Variants in SDK1 observed in about 807,000 individuals in gnomAD.
SDK1 encodes the protein sidekick cell adhesion molecule 1.
A neutral mutation model predicts 245.5 loss-of-function variants in SDK1; 157 were observed. The ratio of observed to expected loss-of-function variants is 0.64; its 90% CI spans 0.56 to 0.73. The LOEUF (loss-of-function observed/expected upper bound fraction) is 0.73, where lower values mean the gene tolerates loss of function less well. SDK1 is among the 30% of genes least tolerant of loss of function. The pLI, the probability that SDK1 is intolerant of heterozygous loss-of-function variation, is 0.00. For missense variants in SDK1, 3,583 were observed against 3,002.3 expected, an observed-to-expected ratio of 1.19 and a Z score of -4.52; for synonymous variants, 1,647 against 1,278.5, an observed-to-expected ratio of 1.29 and a Z score of -6.15.
intron 4 of SDK1, among the ~76,000 whole-genome samples, chr7:3,722,751 G>C (rs371100919): frequency 2.0e-5 from 3 of 152,250 alleles, no homozygotes; most frequent in East Asian, 1.9e-4. Context: ...CCGGGGACTC[G>C]CGCGGGTGGC....
chr7:3,419,804 C>T (rs1226540642), intron 1 of SDK1, among the ~76,000 whole-genome samples: 1 of 152,162 alleles, frequency 6.6e-6, no homozygotes, highest in Non-Finnish European at 1.5e-5. Context: ...AGAGAATTAA[C>T]AGGTTTCTCT....
chr7:3,540,656 A>G (rs1010987604), intron 1 of SDK1, among the ~76,000 whole-genome samples: 1 of 152,226 alleles, frequency 6.6e-6, no homozygotes, highest in Non-Finnish European at 1.5e-5. Context: ...GCACATTCAC[A>G]TGCAGCTATT....
At chr7:3,702,102 C>G (rs1225723848) in intron 4 of SDK1, among the ~76,000 whole-genome samples, 1 of 151,930 alleles carries the variant, frequency 6.6e-6, no homozygotes, top group East Asian at 1.9e-4. Context: ...AGACATGACA[C>G]CAGAGACACA....
chr7:3,933,391 G>C (rs1780048991), intron 5 of SDK1, among the ~76,000 whole-genome samples: 1 of 152,138 alleles, frequency 6.6e-6, no homozygotes, highest in African/African-American at 2.4e-5. Flanking sequence ...GGGATTACAG[G>C]TGTGAGCCGC....
chr7:3,747,121 T>C (rs1474138581), intron 4 of SDK1, among the ~76,000 whole-genome samples: 6 of 152,218 alleles, frequency 3.9e-5, no homozygotes, highest in Non-Finnish European at 7.3e-5. Context: ...GTGCATGATG[T>C]AATATATAAA....
intron 17 of SDK1, among the ~76,000 whole-genome samples, chr7:4,046,635 C>T (rs1370865757): frequency 6.6e-6 from 1 of 152,174 alleles, no homozygotes; most frequent in Non-Finnish European, 1.5e-5. Flanking sequence ...CTTCTCTGAT[C>T]AGTGTGTCCA....
At position 4,102,954 on chromosome 7, in the gene SDK1, TAAAAAAA is replaced by T. The variant is rs34174910; in HGVS notation, c.3325-7693_3325-7687del. 9.9e-3 allele frequency among the ~76,000 whole-genome samples: 1,123 copies of T among 113,242 alleles called. 20 individuals are homozygous for T. The highest frequency in any genetic ancestry group is 0.032 in the African/African-American group (1,064 of 32,970). 74.3% of individuals were successfully genotyped at this position (113,242 alleles called of 152,430 possible). A position where few individuals can be genotyped will look rare whatever the true frequency, so the allele number is the denominator to read the frequency against. ...ACTGTTTATTAGCCTTAAAAAAAGT[TAAAAAAA>T]AAAAAAAAAAAAAAAGCCGTTCAAA... On this transcript the variant is annotated intron_variant, in intron 22 of 44. Coordinates refer to ENST00000404826, the MANE Select transcript of SDK1 (RefSeq NM_152744.4).
At chr7:3,362,136 G>A (rs745943147) in intron 1 of SDK1, among the ~76,000 whole-genome samples, 1 of 152,170 alleles carries the variant, frequency 6.6e-6, no homozygotes, top group Non-Finnish European at 1.5e-5. Flanking sequence ...GGACTGTGCT[G>A]TGATAAATAA....
chr7:3,697,603 A>G (rs1390233151), intron 4 of SDK1, among the ~76,000 whole-genome samples: 3 of 152,110 alleles, frequency 2.0e-5, no homozygotes, highest in Admixed American at 6.6e-5. Flanking sequence ...TTCTTTGACC[A>G]TCTTCATCCC....
At chr7:4,091,351 T>G (rs147685012) in intron 22 of SDK1, among the ~76,000 whole-genome samples, 8,665 of 143,130 alleles carry the variant, frequency 0.061, 187 homozygotes, top group Middle Eastern at 0.13. Flanking sequence ...TTTTTTTTTT[T>G]TTTTTGTTTG....
At chr7:3,947,820 C>G (rs1401578133) in intron 5 of SDK1, among the ~76,000 whole-genome samples, 2 of 151,928 alleles carry the variant, frequency 1.3e-5, no homozygotes, top group African/African-American at 4.8e-5. Flanking sequence ...TAGATAATGT[C>G]TAAAATTGGC....
At chr7:3,322,970 T>C (rs997523252) in intron 1 of SDK1, among the ~76,000 whole-genome samples, 1 of 152,162 alleles carries the variant, frequency 6.6e-6, no homozygotes, top group Non-Finnish European at 1.5e-5. Flanking sequence ...CCGCCACACC[T>C]GGCTCATTTT....
In SDK1 at chr7:3,487,819, C is replaced by A. The variant is rs544364396; in HGVS notation, c.299-131261C>A. On this transcript the variant is annotated intron_variant, in intron 1 of 44. Transcript: ENST00000404826. ...TCTTGTGGCTCTCCAAAGCTCAGCC[C>A]AACAAAATCATACCTTAGCATTTAT... is the stretch of plus-strand genomic sequence containing the variant. Among the ~76,000 whole-genome samples, 3 of 151,186 alleles carry A rather than the reference C, an allele frequency of 2.0e-5. No homozygotes were observed. In the East Asian group the frequency reaches 5.8e-4, roughly 29 times the overall value.
chr7:3,635,841 G>A lies in SDK1; in HGVS notation c.459-3163G>A, dbSNP rs1782441773. Among the ~76,000 whole-genome samples, 5 of 152,198 alleles carry A rather than the reference G, an allele frequency of 3.3e-5. 1 individual carries two copies. In the South Asian group the frequency reaches 1.0e-3, roughly 32 times the overall value. On this transcript the variant is annotated intron_variant, in intron 2 of 44. Coordinates refer to ENST00000404826, the MANE Select transcript of SDK1 (RefSeq NM_152744.4). ...CCCACCTCAGCCCCTAAGTGGCTGG[G>A]ATTACAGGCTCACACCACCACACTT...
intron 1 of SDK1, among the ~76,000 whole-genome samples, chr7:3,398,666 T>C (rs990741961): frequency 5.9e-5 from 9 of 151,756 alleles, no homozygotes; most frequent in African/African-American, 2.2e-4. Flanking sequence ...TTTTTATTTA[T>C]TTATTTTTTT....
intron 1 of SDK1, among the ~76,000 whole-genome samples, chr7:3,416,027 A>C (rs1233103798): frequency 6.6e-6 from 1 of 152,212 alleles, no homozygotes; most frequent in East Asian, 1.9e-4. Flanking sequence ...ATGCTAATAA[A>C]GCAGATGGTG....
chr7:3,323,756 C>G (rs1779875255), intron 1 of SDK1, among the ~76,000 whole-genome samples: 1 of 152,178 alleles, frequency 6.6e-6, no homozygotes, highest in South Asian at 2.1e-4. Context: ...GTTAAATGTG[C>G]TGTAGAATAT....
chr7:3,429,965 A>G (rs995488715), intron 1 of SDK1, among the ~76,000 whole-genome samples: 2 of 152,176 alleles, frequency 1.3e-5, no homozygotes, highest in African/African-American at 4.8e-5. Flanking sequence ...GTGTCTCTCT[A>G]TCTGTATATA....
intron 1 of SDK1, among the ~76,000 whole-genome samples, chr7:3,531,890 T>C (rs1347164344): frequency 1.3e-5 from 2 of 152,248 alleles, no homozygotes; most frequent in Non-Finnish European, 2.9e-5. Context: ...AGTAGGCTTT[T>C]GTTTTAAACT....
Sources: allele counts gnomAD v4.1 joint callset (sites outside exome capture counted in the v4.1 genomes callset), GRCh38; gene constraint gnomAD v4.1.1; transcripts MANE v1.5; gene names NCBI Gene and HGNC (gene_info 2026-07-23, HGNC 2026-07-21).